Variants in COL4A5 observed in about 807,000 individuals in gnomAD.
The protein encoded by COL4A5 is collagen alpha-5(IV) chain.
In COL4A5, 26 loss-of-function variants were observed where a neutral mutation model predicts 130.2. That is an observed-to-expected ratio of 0.20 (90% confidence interval 0.15 to 0.28). COL4A5 has a LOEUF of 0.28. COL4A5 is among the 10% of genes least tolerant of loss of function. The pLI is 1.00. For missense variants in COL4A5, 1,131 were observed against 1,344.3 expected (o/e 0.84, Z 2.48); for synonymous variants, 496 against 439.6 (o/e 1.13, Z -1.60).
intron 1 of COL4A5, among the ~76,000 whole-genome samples, chrX:108,526,600 CT>C (rs1569481123): frequency 0.084 from 1,964 of 23,243 alleles, 54 homozygotes; most frequent in Non-Finnish European, 0.1. Context: ...TCCCTCCTTT[CT>C]TTCTTTCTTT....
At chrX:108,475,960 T>A (rs1603251324) in intron 1 of COL4A5, among the ~76,000 whole-genome samples, 1 of 111,727 alleles carries the variant, frequency 9.0e-6, no homozygotes, top group Admixed American at 9.5e-5. Flanking sequence ...TAAGGGTCTA[T>A]AGAGATGCTG....
chrX:108,452,284 C>T (rs1377263390), intron 1 of COL4A5, among the ~76,000 whole-genome samples: 2 of 111,732 alleles, frequency 1.8e-5, no homozygotes, highest in Non-Finnish European at 3.8e-5. Flanking sequence ...GTTCTTTTGG[C>T]TTAGGATTGA....
chrX:108,451,578 C>T, intron 1 of COL4A5, among the ~76,000 whole-genome samples: 1 of 110,453 alleles, frequency 9.1e-6, no homozygotes, highest in Non-Finnish European at 1.9e-5. Flanking sequence ...TTTTGATTTG[C>T]ATTTCTCTGA....
At chrX:108,692,654 A>G in intron 49 of COL4A5, 94 bp from the exon 50 acceptor site, 1 of 802,307 alleles carries the variant, frequency 1.2e-6, no homozygotes, top group Non-Finnish European at 1.9e-6. Flanking sequence ...AAGGCTGGCA[A>G]GTTTCCTTGA....
chrX:108,507,142 T>C (rs2065132219), intron 1 of COL4A5, among the ~76,000 whole-genome samples: 1 of 106,614 alleles, frequency 9.4e-6, no homozygotes, highest in Non-Finnish European at 1.9e-5. Flanking sequence ...CTGTTCCTAC[T>C]GAAACTATTC....
chrX:108,479,708 G>A (rs1040401276), intron 1 of COL4A5, among the ~76,000 whole-genome samples: 3 of 111,568 alleles, frequency 2.7e-5, no homozygotes, highest in Non-Finnish European at 3.8e-5. Context: ...GCCCAATCAC[G>A]TATATACCAC....
In COL4A5 at chrX:108,549,190, C is replaced by G. The variant is rs181583677; in HGVS notation, c.141+9385C>G. On this transcript the variant is annotated intron_variant, in intron 2 of 52. Transcript: ENST00000328300. ...TGAGAGAATTAAAGGGAGAAATAGA[C>G]AAATCCACAATCATGGTTGTGATTC... Among the ~76,000 whole-genome samples the G allele has an allele frequency of 2.7e-5, 3 of 111,706 alleles. No individual in the cohort carries two copies. The Admixed American group carries it at 2.9e-4, about 11-fold the overall frequency.
intron 10 of COL4A5, 131 bp from the exon 11 acceptor site, chrX:108,577,820 TA>T: frequency 1.8e-6 from 1 of 542,525 alleles, no homozygotes; most frequent in Non-Finnish European, 3.0e-6. Context: ...TGTCTCTGAC[TA>T]AAATGAAAAC....
rs770748236 is a variant in COL4A5 at position 108,525,247 on chromosome X, CTCTCTA to C, written c.82-14492_82-14487del. Among the ~76,000 whole-genome samples, 525 of 112,043 alleles carry C rather than the reference CTCTCTA, an allele frequency of 4.7e-3. 3 individuals are homozygous for C. The highest frequency in any genetic ancestry group is 0.016 in the African/African-American group (490 of 30,876). Reference sequence around the variant, plus strand: ...ACCCTTTTATCATTATAAAATTCCTCTCTCTATCTCTAGACTTTTTTTGTTTTAGAA... The same window carrying C: ...ACCCTTTTATCATTATAAAATTCCTCTCTCTAGACTTTTTTTGTTTTAGAA... On this transcript the variant is annotated intron_variant, in intron 1 of 52. Transcript: ENST00000328300.
chrX:108,522,963 C>T (rs184156178), intron 1 of COL4A5, among the ~76,000 whole-genome samples: 20 of 107,420 alleles, frequency 1.9e-4, no homozygotes, highest in Non-Finnish European at 3.5e-4. Flanking sequence ...CTGCAACCTC[C>T]GCCTCCCGGG....
chrX:108,555,598 C>T lies in COL4A5; in HGVS notation c.142-3466C>T, dbSNP rs187702482. On this transcript the variant is annotated intron_variant, in intron 2 of 52. Coordinates refer to ENST00000328300, the MANE Select transcript of COL4A5 (RefSeq NM_033380.3). ...CTCAATTATTATTACAGCAGTTTGT[C>T]CTATTTTGTATTTTTCCTATCCTCA... Among the ~76,000 whole-genome samples the T allele has an allele frequency of 1.4e-4, 16 of 111,332 alleles. 1 individual carries two copies. Among genetic ancestry groups the T allele is most frequent in the Non-Finnish European group, 3.0e-4 (16 of 52,987 alleles).
chrX:108,667,145 T>A lies in COL4A5; in HGVS notation c.3566T>A (p.Phe1189Tyr). The change falls in exon 40 of 53, where the codon TTT becomes TAT. Residue 1189 changes from phenylalanine (F) to tyrosine (Y), a missense_variant. By Grantham distance (22) the Phe-to-Tyr change is conservative. Transcript: ENST00000328300. ...GQKGEPGQPG[F>Y]GNPGPPGLPG... ...TGTACTCTGACAGGTCAACCAGGCT[T>A]TGGAAACCCAGGACCCCCTGGACTT... 8.3e-7 allele frequency: 1 copy of A among 1,211,463 alleles called. No homozygotes were observed. Among genetic ancestry groups the A allele is most frequent in the Non-Finnish European group, 1.1e-6 (1 of 895,011 alleles).
At chrX:108,667,283 C>A in intron 40 of COL4A5, 100 bp downstream of exon 40, 1 of 790,221 alleles carries the variant, frequency 1.3e-6, no homozygotes, top group Non-Finnish European at 1.9e-6. Flanking sequence ...TCATAAAATG[C>A]ATGTAAGAAC....
At chrX:108,554,447 T>A (rs2065794967) in intron 2 of COL4A5, among the ~76,000 whole-genome samples, 1 of 111,443 alleles carries the variant, frequency 9.0e-6, no homozygotes, top group Admixed American at 9.6e-5. Context: ...ACTGGCCCCA[T>A]GATCCAGTCA....
chrX:108,580,840 A>G, intron 15 of COL4A5, 102 bp downstream of exon 15: 3 of 954,210 alleles, frequency 3.1e-6, no homozygotes, highest in Non-Finnish European at 4.5e-6. Flanking sequence ...TCAAAATATC[A>G]CTACTGACAT....
intron 1 of COL4A5, among the ~76,000 whole-genome samples, chrX:108,460,656 A>ATTTTTTTT (rs751991149): frequency 1.0e-4 from 4 of 39,453 alleles, no homozygotes; most frequent in African/African-American, 3.2e-4. Context: ...CGCCTGGCAA[A>ATTTTTTTT]TTTTTTTTTT....
intron 1 of COL4A5, among the ~76,000 whole-genome samples, chrX:108,465,938 C>T (rs752503887): frequency 9.0e-6 from 1 of 111,220 alleles, no homozygotes; most frequent in South Asian, 3.9e-4. Flanking sequence ...CACCTTGTCC[C>T]TGGAAACCAT....
intron 8 of COL4A5, among the ~76,000 whole-genome samples, chrX:108,572,913 A>G (rs1227639797): frequency 1.8e-5 from 2 of 111,573 alleles, no homozygotes; most frequent in African/African-American, 6.5e-5. Flanking sequence ...CTTATCCCTT[A>G]GCTCACTGAC....
intron 38 of COL4A5, 136 bp downstream of exon 38, chrX:108,665,723 T>A: frequency 2.0e-6 from 1 of 495,389 alleles, no homozygotes; most frequent in South Asian, 3.1e-5. Context: ...TAACACTGCA[T>A]GTGAGGTACA....
Sources: allele counts gnomAD v4.1 joint callset (sites outside exome capture counted in the v4.1 genomes callset), GRCh38; gene constraint gnomAD v4.1.1; transcripts MANE v1.5; gene names NCBI Gene and HGNC (gene_info 2026-07-23, HGNC 2026-07-21).